The following GDI2 variants were observed in gnomAD, a reference collection of about 807,000 sequenced individuals.
GDI2 encodes the protein GDP dissociation inhibitor 2.
GDI2 carries 22 observed loss-of-function variants against 54.2 expected under a neutral mutation model. That is an observed-to-expected ratio of 0.41 (90% confidence interval 0.29 to 0.58). The LOEUF (loss-of-function observed/expected upper bound fraction) is 0.58, where lower values mean the gene tolerates loss of function less well. GDI2 is among the 20% of genes least tolerant of loss of function. GDI2 has a pLI of 0.35. For missense variants in GDI2, 422 were observed against 546.0 expected (o/e 0.77, Z 2.26); for synonymous variants, 177 against 182.1 (o/e 0.97, Z 0.23).
At chr10:5,771,990 T>C (rs1409839903) in intron 7 of GDI2, among the ~76,000 whole-genome samples, 7 of 151,916 alleles carry the variant, frequency 4.6e-5, no homozygotes, top group Admixed American at 4.6e-4. Flanking sequence ...CTTGGGAGGC[T>C]GAGGCAGGAG....
Position 5,773,895 on chromosome 10 carries a change from C to T in GDI2, c.766G>A (p.Glu256Lys). The T allele has an allele frequency of 7.0e-6, 11 of 1,567,226 alleles. No individual in the cohort carries two copies. Among genetic ancestry groups the T allele is most frequent in the Non-Finnish European group, 9.6e-6 (11 of 1,141,676 alleles). Reference protein sequence around the residue: ...GGTYMLNKPIEEIIVQNGKVI... With the variant: ...GGTYMLNKPIKEIIVQNGKVI... ...TTTCCATTCTGTACAATGATTTCTT[C>T]AATGGGTTTATTCAGCATATAGGTA... The change falls in exon 7 of 11, where the codon GAA becomes AAA. Residue 256 changes from glutamate to lysine, a missense_variant. Transcript: ENST00000380191.
intron 1 of GDI2, 57 bp downstream of exon 1, chr10:5,813,157 G>T: frequency 8.8e-7 from 1 of 1,131,420 alleles, no homozygotes; most frequent in Non-Finnish European, 1.3e-6. Context: ...CCGTGCAGGA[G>T]CCGGGGGTGC....
chr10:5,794,751 G>T, intron 4 of GDI2, 134 bp downstream of exon 4: 2 of 677,908 alleles, frequency 3.0e-6, no homozygotes, highest in Non-Finnish European at 5.2e-6. Context: ...CAACTGCCTA[G>T]AACAGTGTCT....
rs747040286 is a variant in GDI2 at position 5,785,236 on chromosome 10, T to C, written c.625A>G (p.Ile209Val). Residue 209 changes from isoleucine (I) to valine (V), a missense_variant, in exon 6 of 11, where the codon ATT becomes GTT. By Grantham distance (29) the Ile-to-Val change is conservative. Coordinates refer to ENST00000380191, the MANE Select transcript of GDI2 (RefSeq NM_001494.4). ...GCCAAAGATTCACTGTAAAGTTTAA[T>C]TCTATTAATGGTTTCATAACACGGT... ...DQPCYETINRIKLYSESLARY... is the reference protein window; with the variant it reads ...DQPCYETINRVKLYSESLARY... 1.9e-6 allele frequency: 3 copies of C among 1,603,496 alleles called. No individual in the cohort carries two copies. The highest frequency in any genetic ancestry group is 1.1e-5 in the South Asian group (1 of 90,744).
chr10:5,800,645 T>G lies in GDI2; in HGVS notation c.106A>C (p.Asn36His). ...NGKKVLHMDR[N>H]PYYGGESASI... ...GCACTCTCTCCTCCGTAGTAAGGGTTTCGATCCATATGAAGAACTTTCTTG... is the reference window on the plus strand; with the variant it reads ...GCACTCTCTCCTCCGTAGTAAGGGTGTCGATCCATATGAAGAACTTTCTTG... The change falls in exon 2 of 11, where the codon AAC becomes CAC. Residue 36 changes from asparagine to histidine, a missense_variant. Transcript: ENST00000380191. The G allele has an allele frequency of 6.2e-7, 1 of 1,601,822 alleles. No homozygotes were observed. The highest frequency in any genetic ancestry group is 2.2e-5 in the East Asian group (1 of 44,802).
In GDI2 at chr10:5,794,927, T is replaced by C; in HGVS notation, c.346A>G (p.Ile116Val). The C allele has an allele frequency of 3.7e-6, 6 of 1,607,110 alleles. No homozygotes were observed. Among genetic ancestry groups the C allele is most frequent in the Non-Finnish European group, 5.1e-6 (6 of 1,173,680 alleles). Reference protein sequence around the residue: ...EGSFVYKGGKIYKVPSTEAEA... With the variant: ...EGSFVYKGGKVYKVPSTEAEA... ...GCTTCAGTGGAAGGAACCTTGTAGA[T>C]TTTTCCACCCTTATAGACAAAGCTC... Residue 116 changes from isoleucine to valine, a missense_variant, in exon 4 of 11, where the codon ATC becomes GTC. Ile to Val is a conservative substitution (Grantham distance 29, BLOSUM62 3). Coordinates refer to ENST00000380191, the MANE Select transcript of GDI2 (RefSeq NM_001494.4).
chr10:5,781,147 A>G (rs1216453467), intron 6 of GDI2, among the ~76,000 whole-genome samples: 1 of 151,574 alleles, frequency 6.6e-6, no homozygotes, highest in African/African-American at 2.4e-5. Context: ...CAACAAATGC[A>G]GCTAAAACAA....
Position 5,799,724 on chromosome 10 carries a change from C to T in GDI2, c.153+874G>A, listed in dbSNP as rs185216860. On this transcript the variant is annotated intron_variant, in intron 2 of 10. Transcript: ENST00000380191. Reference sequence around the variant, plus strand: ...CAGCTACGTAAGAGATTACTGGGACCACTGGGAAATTTGAATATGGTTCTG... The same window carrying T: ...CAGCTACGTAAGAGATTACTGGGACTACTGGGAAATTTGAATATGGTTCTG... 1.5e-3 allele frequency among the ~76,000 whole-genome samples: 227 copies of T among 152,230 alleles called. 1 individual carries two copies. Among genetic ancestry groups the T allele is most frequent in the Non-Finnish European group, 6.6e-4 (45 of 68,010 alleles).
chr10:5,786,131 A>T, intron 4 of GDI2, 81 bp from the exon 5 acceptor site: 1 of 797,456 alleles, frequency 1.3e-6, no homozygotes, highest in East Asian at 2.5e-5. Flanking sequence ...AAGTTTAAAC[A>T]TGCCTTGTTA....
Position 5,786,056 on chromosome 10 carries a change from T to TA in GDI2, c.389-7dup. The TA allele has an allele frequency of 1.3e-6, 2 of 1,595,652 alleles. No individual in the cohort carries two copies. Among genetic ancestry groups the TA allele is most frequent in the Non-Finnish European group, 8.6e-7 (1 of 1,166,774 alleles). ...TTCAAACAATCCCATTAGGCCTAAA[T>TA]AAAAAAGAATTTTTCAAAAAGCACA... On this transcript the variant is annotated splice_polypyrimidine_tract_variant and splice_region_variant and intron_variant, in intron 4 of 10. Coordinates refer to ENST00000380191, the MANE Select transcript of GDI2 (RefSeq NM_001494.4).
At chr10:5,780,737 G>T (rs1840737026) in intron 6 of GDI2, among the ~76,000 whole-genome samples, 1 of 152,166 alleles carries the variant, frequency 6.6e-6, no homozygotes, top group Non-Finnish European at 1.5e-5. Context: ...TCTCTACAGT[G>T]AAAGCTGTAA....
intron 6 of GDI2, among the ~76,000 whole-genome samples, chr10:5,780,294 A>C (rs1588972497): frequency 1.9e-5 from 1 of 51,318 alleles, no homozygotes; most frequent in Non-Finnish European, 4.0e-5. Context: ...AACCATCTAC[A>C]AAAAAAAAAA....
chr10:5,766,126 G>A lies in GDI2; in HGVS notation c.1218C>T (p.Ala406=). ...SQIFISRTYD[A]TTHFETTCDD... is the part of the protein sequence containing the mutation. ...CACACGTTGTCTCAAAATGAGTGGT[G>A]GCATCATATGTGCGGGAAATAAAGA... Residue 406 remains alanine (A), a synonymous_variant, in exon 11 of 11, where the codon GCC becomes GCT. Coordinates refer to ENST00000380191, the MANE Select transcript of GDI2 (RefSeq NM_001494.4). This position sits in a 1 kb window ranked among gnomAD's most constrained non-coding sequence, Gnocchi z 5.8. 2 of 1,613,068 alleles carry A rather than the reference G, an allele frequency of 1.2e-6. No individual in the cohort carries two copies. The highest frequency in any genetic ancestry group is 1.7e-6 in the Non-Finnish European group (2 of 1,179,136).
intron 6 of GDI2, among the ~76,000 whole-genome samples, chr10:5,782,494 T>A (rs1213556194): frequency 6.6e-6 from 1 of 152,168 alleles, no homozygotes; most frequent in East Asian, 1.9e-4. Flanking sequence ...AATGAAAACC[T>A]ATATCCCCAC....
chr10:5,793,934 C>T (rs1279603038), intron 4 of GDI2, among the ~76,000 whole-genome samples: 1 of 151,758 alleles, frequency 6.6e-6, no homozygotes, highest in Non-Finnish European at 1.5e-5. Context: ...GAGGCCAAGG[C>T]AGGTGAAACA....
chr10:5,799,884 G>GA (rs1263809325), intron 2 of GDI2, among the ~76,000 whole-genome samples: 1 of 152,050 alleles, frequency 6.6e-6, no homozygotes, highest in Non-Finnish European at 1.5e-5. Flanking sequence ...AAAGAGACAT[G>GA]AAAAAAATAC....
chr10:5,779,760 C>G (rs1174067650), intron 6 of GDI2, among the ~76,000 whole-genome samples: 1 of 149,396 alleles, frequency 6.7e-6, no homozygotes, highest in Non-Finnish European at 1.5e-5. Context: ...GTGGTATGAT[C>G]ACGGCTCACT....
chr10:5,806,460 C>G (rs905429421), intron 1 of GDI2, among the ~76,000 whole-genome samples: 3 of 151,486 alleles, frequency 2.0e-5, no homozygotes, highest in Non-Finnish European at 4.4e-5. Flanking sequence ...TGATAAGGCA[C>G]TTATGATAAG....
At chr10:5,809,244 C>CAAA (rs1554791052) in intron 1 of GDI2, among the ~76,000 whole-genome samples, 44 of 134,210 alleles carry the variant, frequency 3.3e-4, no homozygotes, top group South Asian at 9.8e-4. Flanking sequence ...GACTCCATCT[C>CAAA]AAAAAAAAAC....
Sources: allele counts gnomAD v4.1 joint callset (sites outside exome capture counted in the v4.1 genomes callset), GRCh38; gene constraint gnomAD v4.1.1; non-coding constraint Gnocchi (gnomAD v3.1); transcripts MANE v1.5; gene names NCBI Gene and HGNC (gene_info 2026-07-23, HGNC 2026-07-21).